The following RTN3 variants were observed in gnomAD, a reference collection of about 807,000 sequenced individuals.
The protein encoded by RTN3 is reticulon 3, also known as reticulon-3.
In RTN3, 49 loss-of-function variants were observed where a neutral mutation model predicts 77.8. The ratio of observed to expected loss-of-function variants is 0.63; its 90% CI spans 0.50 to 0.80. The LOEUF (loss-of-function observed/expected upper bound fraction) is 0.80. Among genes scored for constraint, RTN3 ranks in the 30% least tolerant of loss-of-function variants. The pLI, the probability that RTN3 is intolerant of heterozygous loss-of-function variation, is 0.00. For missense variants in RTN3, 1,236 were observed against 1,211.9 expected (o/e 1.02, Z -0.29); for synonymous variants, 464 against 446.9 (o/e 1.04, Z -0.48).
At chr11:63,716,271 T>C (rs1335646016) in intron 2 of RTN3, among the ~76,000 whole-genome samples, 2 of 152,246 alleles carry the variant, frequency 1.3e-5, no homozygotes, top group African/African-American at 4.8e-5. Context: ...TTGTCTTTAA[T>C]AAAATAATTT....
intron 3 of RTN3, among the ~76,000 whole-genome samples, chr11:63,727,363 G>A (rs1460074375): frequency 6.6e-6 from 1 of 152,222 alleles, no homozygotes; most frequent in Non-Finnish European, 1.5e-5. Context: ...CTAACTGCAT[G>A]TGTTGGAATT....
In RTN3 at chr11:63,748,730, C is replaced by T. The variant is rs558837891; in HGVS notation, c.2531-1261C>T. ...TCACCCAGACTGGAATGCAATGGCG[C>T]GATCTCGGCTCACTGCAGCCTCCGC... On this transcript the variant is annotated intron_variant, in intron 3 of 8. Coordinates refer to ENST00000377819, the MANE Select transcript of RTN3 (RefSeq NM_001265589.2). Among the ~76,000 whole-genome samples the T allele has an allele frequency of 1.3e-4, 19 of 147,068 alleles. No homozygotes were observed. In the East Asian group the frequency reaches 2.0e-3, roughly 16 times the overall value.
intron 1 of RTN3, among the ~76,000 whole-genome samples, chr11:63,693,480 A>G (rs1941773027): frequency 6.6e-6 from 1 of 152,010 alleles, no homozygotes; most frequent in African/African-American, 2.4e-5. Context: ...GCAAAACTCC[A>G]TCTCAAAAAA....
intron 1 of RTN3, among the ~76,000 whole-genome samples, chr11:63,703,571 C>T (rs1942350355): frequency 6.9e-6 from 1 of 145,014 alleles, no homozygotes; most frequent in African/African-American, 2.6e-5. Flanking sequence ...TTTGAGACGT[C>T]TCACTCTGTC....
intron 3 of RTN3, among the ~76,000 whole-genome samples, chr11:63,747,276 CTG>C (rs1275817453): frequency 6.6e-6 from 1 of 152,176 alleles, no homozygotes; most frequent in East Asian, 1.9e-4. Flanking sequence ...TGTGTTGAAA[CTG>C]TTCCTTGTAG....
chr11:63,689,144 G>A (rs946425005), intron 1 of RTN3, among the ~76,000 whole-genome samples: 3 of 152,118 alleles, frequency 2.0e-5, no homozygotes, highest in Non-Finnish European at 4.4e-5. Flanking sequence ...CAATTTTGTA[G>A]TATAACTTTT....
chr11:63,740,401 C>A (rs932220712), intron 3 of RTN3, among the ~76,000 whole-genome samples: 1 of 151,538 alleles, frequency 6.6e-6, no homozygotes, highest in African/African-American at 2.4e-5. Flanking sequence ...CCTGCCTCAG[C>A]CTCCCAAGTA....
Position 63,758,425 on chromosome 11 carries a change from G to A in RTN3, c.*224G>A. 7.7e-7 allele frequency: 1 copy of A among 1,297,742 alleles called. No homozygotes were observed. The highest frequency in any genetic ancestry group is 2.5e-5 in the East Asian group (1 of 40,194). The allele number at this position is 1,297,742 out of a possible 1,614,324, so 80.4% of individuals were successfully genotyped here. The stretch of plus-strand genomic sequence containing the variant: ...CTATCTTAGAACTCAGAAGAAGAAA[G>A]AATCAAATTCATAGGATAAGTCAAT... On this transcript the variant is annotated 3_prime_UTR_variant, in exon 9 of 9. Coordinates refer to ENST00000377819, the MANE Select transcript of RTN3 (RefSeq NM_001265589.2).
At chr11:63,733,347 G>A (rs2012829888) in intron 3 of RTN3, among the ~76,000 whole-genome samples, 1 of 152,048 alleles carries the variant, frequency 6.6e-6, no homozygotes, top group Non-Finnish European at 1.5e-5. Flanking sequence ...AAATTACCCG[G>A]GCGTGGTGGC....
chr11:63,750,236 G>A (rs202134351), intron 4 of RTN3, 38 bp downstream of exon 4: 2 of 1,542,382 alleles, frequency 1.3e-6, no homozygotes, highest in East Asian at 2.3e-5. Flanking sequence ...CTACATTTTA[G>A]TGGAAGGGTT....
intron 3 of RTN3, among the ~76,000 whole-genome samples, chr11:63,721,751 G>T (rs575744526): frequency 6.6e-6 from 1 of 151,814 alleles, no homozygotes; most frequent in Non-Finnish European, 1.5e-5. Flanking sequence ...TTTAGCACTT[G>T]GATTTTTTGA....
intron 3 of RTN3, among the ~76,000 whole-genome samples, chr11:63,735,634 A>G (rs1188583220): frequency 7.9e-6 from 1 of 126,158 alleles, no homozygotes; most frequent in Admixed American, 1.0e-4. Flanking sequence ...GGCTCAAGCC[A>G]TCCTCCCACC....
chr11:63,747,980 C>T (rs574097326), intron 3 of RTN3, among the ~76,000 whole-genome samples: 6 of 152,008 alleles, frequency 3.9e-5, no homozygotes, highest in Non-Finnish European at 8.8e-5. Context: ...AGTCCTCTAG[C>T]TATTCATGGT....
At chr11:63,724,479 C>T (rs1340311626) in intron 3 of RTN3, among the ~76,000 whole-genome samples, 5 of 132,598 alleles carry the variant, frequency 3.8e-5, no homozygotes, top group African/African-American at 8.3e-5. Context: ...CACCCGTGCC[C>T]GGCCCTTTTT....
intron 2 of RTN3, among the ~76,000 whole-genome samples, chr11:63,706,813 C>A (rs1268094259): frequency 1.3e-5 from 2 of 151,414 alleles, no homozygotes; most frequent in African/African-American, 2.4e-5. Context: ...ATAAATAGAA[C>A]AAATAATTAT....
chr11:63,694,742 G>C (rs897335619), intron 1 of RTN3, among the ~76,000 whole-genome samples: 1 of 152,194 alleles, frequency 6.6e-6, no homozygotes, highest in African/African-American at 2.4e-5. Context: ...ACACGAGTGA[G>C]CCAGCGCGCC....
intron 2 of RTN3, among the ~76,000 whole-genome samples, chr11:63,713,388 C>T (rs1216742274): frequency 1.3e-5 from 2 of 152,148 alleles, no homozygotes; most frequent in Non-Finnish European, 2.9e-5. Flanking sequence ...TGGCTCACTG[C>T]AGCCTCGACC....
Position 63,720,977 on chromosome 11 carries a change from C to A in RTN3, c.2475C>A (p.Ser825Arg). The change falls in exon 3 of 9, where the codon AGC becomes AGA. Residue 825 changes from serine to arginine, a missense_variant. Ser to Arg is a moderately radical substitution (Grantham distance 110, BLOSUM62 -1). This residue lies in a region of RTN3 where 1,056 missense variants were observed against 990.4 expected (regional missense o/e 1.07). Transcript: ENST00000377819. The stretch of plus-strand genomic sequence containing the variant: ...GGGTAGATGCTGTTTCCAGCCTTAG[C>A]AAGACTGAATTGGTAAAAAAGCATG... ...TTRVDAVSSL[S>R]KTELVKKHVL... is the part of the protein sequence containing the mutation. 6.2e-7 allele frequency: 1 copy of A among 1,612,768 alleles called. No homozygotes were observed. The highest frequency in any genetic ancestry group is 8.5e-7 in the Non-Finnish European group (1 of 1,179,256).
chr11:63,689,407 A>G (rs1941540294), intron 1 of RTN3, among the ~76,000 whole-genome samples: 2 of 152,168 alleles, frequency 1.3e-5, no homozygotes, highest in Admixed American at 1.3e-4. Context: ...TGTGTGTGTT[A>G]AATAAGTTTA....
Sources: allele counts gnomAD v4.1 joint callset (sites outside exome capture counted in the v4.1 genomes callset), GRCh38; gene constraint gnomAD v4.1.1; regional missense constraint gnomAD v4.1.1; transcripts MANE v1.5; gene names NCBI Gene and HGNC (gene_info 2026-07-23, HGNC 2026-07-21).